Variants in WWOX observed in about 807,000 individuals in gnomAD.
WWOX encodes the protein WW domain-containing oxidoreductase.
WWOX carries 69 observed loss-of-function variants against 46.2 expected under a neutral mutation model. The ratio of observed to expected loss-of-function variants is 1.49; its 90% CI spans 1.23 to 1.82. The LOEUF is 1.82. Ranked by LOEUF, WWOX falls within the 40% of genes most tolerant of loss-of-function variation. WWOX has a pLI of 0.00. For missense variants in WWOX, 919 were observed against 542.6 expected, an observed-to-expected ratio of 1.69 and a Z score of -6.89; for synonymous variants, 359 against 202.6, an observed-to-expected ratio of 1.77 and a Z score of -6.56.
intron 8 of WWOX, among the ~76,000 whole-genome samples, chr16:78,676,801 C>G (rs189543588): frequency 6.6e-6 from 1 of 152,110 alleles, no homozygotes; most frequent in East Asian, 1.9e-4. Context: ...TCTTTGAATA[C>G]TGATGAACTT....
chr16:78,168,836 A>G (rs1035330844), intron 5 of WWOX, among the ~76,000 whole-genome samples: 7 of 152,220 alleles, frequency 4.6e-5, no homozygotes, highest in African/African-American at 1.4e-4. Context: ...ATATAGAAGT[A>G]TATTAAGAAC....
intron 4 of WWOX, among the ~76,000 whole-genome samples, chr16:78,134,759 CTTG>C (rs948269470): frequency 6.6e-6 from 1 of 152,114 alleles, no homozygotes; most frequent in African/African-American, 2.4e-5. Flanking sequence ...AGATATTTTC[CTTG>C]TTGTTAAGAG....
chr16:79,154,300 C>G (rs181056023), intron 8 of WWOX, among the ~76,000 whole-genome samples: 92 of 152,276 alleles, frequency 6.0e-4, no homozygotes, highest in Non-Finnish European at 1.1e-3. Flanking sequence ...GGAACAAAGC[C>G]TTTTGTTTCC....
intron 4 of WWOX, among the ~76,000 whole-genome samples, chr16:78,159,738 C>T (rs1359304786): frequency 8.3e-6 from 1 of 120,194 alleles, no homozygotes; most frequent in Non-Finnish European, 1.6e-5. Flanking sequence ...TGGATATGAA[C>T]ACTATCAGTT....
In WWOX at chr16:78,506,728, T is replaced by TTG. The variant is rs1330915138; in HGVS notation, c.1056+73976_1056+73977insTG. On this transcript the variant is annotated intron_variant, in intron 8 of 8. Transcript: ENST00000566780. ...TTTTTTTTTTTTTTTTTTTTTTTTT[T>TTG]GTACAGAGTCTTGCTCTGTTGTCCA... Among the ~76,000 whole-genome samples the TTG allele has an allele frequency of 8.5e-3, 793 of 93,242 alleles. 55 individuals are homozygous for TTG. Among genetic ancestry groups the TTG allele is most frequent in the Middle Eastern group, 0.013 (2 of 160 alleles). 61.2% of individuals were successfully genotyped at this position (93,242 alleles called of 152,430 possible). A position where few individuals can be genotyped will look rare whatever the true frequency, so the allele number is the denominator to read the frequency against.
intron 5 of WWOX, among the ~76,000 whole-genome samples, chr16:78,336,441 C>T (rs191454850): frequency 3.6e-4 from 50 of 137,212 alleles, no homozygotes; most frequent in African/African-American, 1.0e-3. Context: ...AGGAGGTGAA[C>T]GTTGCAGTGA....
chr16:78,901,139 A>T (rs1004234241), intron 8 of WWOX, among the ~76,000 whole-genome samples: 1 of 152,140 alleles, frequency 6.6e-6, no homozygotes, highest in Non-Finnish European at 1.5e-5. Context: ...TTCAGAGTCC[A>T]TTTTCATAGG....
chr16:78,445,598 T>C (rs1189737558), intron 8 of WWOX, among the ~76,000 whole-genome samples: 1 of 152,172 alleles, frequency 6.6e-6, no homozygotes, highest in Non-Finnish European at 1.5e-5. Context: ...TATGATCACC[T>C]TCGGTTAGTA....
At chr16:78,326,644 A>G (rs1484471544) in intron 5 of WWOX, among the ~76,000 whole-genome samples, 2 of 144,068 alleles carry the variant, frequency 1.4e-5, no homozygotes, top group Admixed American at 7.4e-5. Flanking sequence ...AACATAAAGC[A>G]TATTTTCTGG....
rs560991893 is a variant in WWOX, at chr16:78,901,247, A to G, written c.1057-310361A>G. Among the ~76,000 whole-genome samples, 116 of 152,346 alleles carry G rather than the reference A, an allele frequency of 7.6e-4. 1 individual carries two copies. The highest frequency in any genetic ancestry group is 4.4e-3 in the South Asian group (21 of 4,824). On this transcript the variant is annotated intron_variant, in intron 8 of 8. Coordinates refer to ENST00000566780, the MANE Select transcript of WWOX (RefSeq NM_016373.4). ...AGACTTTGAAAGCAATAGTCTGGCAATCATCCAAAGGTTTGTGGGAGGACA... is the reference window on the plus strand; with the variant it reads ...AGACTTTGAAAGCAATAGTCTGGCAGTCATCCAAAGGTTTGTGGGAGGACA...
intron 8 of WWOX, among the ~76,000 whole-genome samples, chr16:78,573,305 A>T (rs560006459): frequency 6.6e-6 from 1 of 152,286 alleles, no homozygotes; most frequent in South Asian, 2.1e-4. Flanking sequence ...AAACAAAACA[A>T]AACAAAAAAG....
At chr16:78,681,896 C>A (rs1379778721) in intron 8 of WWOX, among the ~76,000 whole-genome samples, 1 of 152,178 alleles carries the variant, frequency 6.6e-6, no homozygotes, top group Admixed American at 6.5e-5. Context: ...CCCCACCCCG[C>A]AGAGCCCCTC....
intron 8 of WWOX, among the ~76,000 whole-genome samples, chr16:78,722,705 T>G (rs1036723848): frequency 1.9e-4 from 20 of 103,938 alleles, no homozygotes; most frequent in South Asian, 2.7e-4. Context: ...TCTGTTTTTT[T>G]TTTTTTTTTT....
intron 8 of WWOX, among the ~76,000 whole-genome samples, chr16:78,602,328 G>C (rs569424998): frequency 6.6e-6 from 1 of 152,232 alleles, no homozygotes; most frequent in South Asian, 2.1e-4. Context: ...CACCTCCTAG[G>C]TTCCAGCGAT....
At chr16:78,820,135 G>T (rs1053624011) in intron 8 of WWOX, among the ~76,000 whole-genome samples, 2 of 152,068 alleles carry the variant, frequency 1.3e-5, no homozygotes, top group African/African-American at 4.8e-5. Flanking sequence ...AGGCTCTCAG[G>T]ATGCACAATG....
intron 8 of WWOX, among the ~76,000 whole-genome samples, chr16:78,840,288 A>T (rs1050658778): frequency 3.3e-5 from 5 of 152,126 alleles, no homozygotes; most frequent in Non-Finnish European, 5.9e-5. Flanking sequence ...CTGTGCCTTG[A>T]TTTCTTTCAC....
chr16:78,749,495 A>G (rs925049005), intron 8 of WWOX, among the ~76,000 whole-genome samples: 1 of 152,190 alleles, frequency 6.6e-6, no homozygotes, highest in Non-Finnish European at 1.5e-5. Context: ...AATCATAATG[A>G]AGCATTTAAT....
intron 8 of WWOX, among the ~76,000 whole-genome samples, chr16:79,184,606 G>A (rs1165766262): frequency 2.6e-5 from 4 of 152,202 alleles, no homozygotes; most frequent in Non-Finnish European, 5.9e-5. Context: ...TGTAGTGCCA[G>A]CCTGTACCTG....
chr16:79,079,437 C>T (rs1472207744), intron 8 of WWOX, among the ~76,000 whole-genome samples: 1 of 152,196 alleles, frequency 6.6e-6, no homozygotes, highest in African/African-American at 2.4e-5. Context: ...TCTAGGCATC[C>T]CAGGTGACTC....
Sources: allele counts gnomAD v4.1 joint callset (sites outside exome capture counted in the v4.1 genomes callset), GRCh38; gene constraint gnomAD v4.1.1; transcripts MANE v1.5; gene names NCBI Gene and HGNC (gene_info 2026-07-23, HGNC 2026-07-21).